The following TNFRSF21 variants were observed in gnomAD, a reference collection of about 807,000 sequenced individuals.
TNFRSF21 encodes the protein TNF receptor superfamily member 21.
TNFRSF21 carries 19 observed loss-of-function variants against 45.6 expected under a neutral mutation model. The ratio of observed to expected loss-of-function variants is 0.42; its 90% CI spans 0.29 to 0.61. TNFRSF21 has a LOEUF of 0.61. Ranked by LOEUF, TNFRSF21 falls within the 20% of genes least tolerant of loss-of-function variation. The pLI, the probability that TNFRSF21 is intolerant of heterozygous loss-of-function variation, is 0.23. For missense variants in TNFRSF21, 737 were observed against 851.5 expected, an observed-to-expected ratio of 0.87 and a Z score of 1.67; for synonymous variants, 314 against 335.5, an observed-to-expected ratio of 0.94 and a Z score of 0.70.
rs569687639 is a variant in TNFRSF21 at position 47,235,209 on chromosome 6, A to G, written c.1510-311T>C. 4.3e-3 allele frequency among the ~76,000 whole-genome samples: 651 copies of G among 152,304 alleles called. 2 individuals carry two copies. The highest frequency in any genetic ancestry group is 9.3e-3 in the Admixed American group (142 of 15,294). On this transcript the variant is annotated intron_variant, in intron 4 of 5. Coordinates refer to ENST00000296861, the MANE Select transcript of TNFRSF21 (RefSeq NM_014452.5). ...CCCGATTTAAAATATAATTTTGTAG[A>G]GCTGAAAGGAGTCTTAGATATAATT...
chr6:47,306,385 G>C (rs1310704590), intron 1 of TNFRSF21, among the ~76,000 whole-genome samples: 3 of 152,220 alleles, frequency 2.0e-5, no homozygotes, highest in Non-Finnish European at 4.4e-5. Context: ...GTGTGGCACA[G>C]GGCTAAGGGA....
At chr6:47,245,981 A>G (rs1439893202) in intron 4 of TNFRSF21, among the ~76,000 whole-genome samples, 1 of 152,164 alleles carries the variant, frequency 6.6e-6, no homozygotes. Context: ...TGAGAACTCT[A>G]TTGCAAGAAC....
In TNFRSF21 at chr6:47,232,739, T is replaced by C. The variant is rs772780394; in HGVS notation, c.*26A>G. Reference sequence around the variant, plus strand: ...ACCACCCTGCCACTAAATTGAGTAATTTCCAGAATGCAGTATCCCTATGTT... The same window carrying C: ...ACCACCCTGCCACTAAATTGAGTAACTTCCAGAATGCAGTATCCCTATGTT... On this transcript the variant is annotated 3_prime_UTR_variant, in exon 6 of 6. Transcript: ENST00000296861. 3 of 1,600,276 alleles carry C rather than the reference T, an allele frequency of 1.9e-6. No individual in the cohort carries two copies. Among genetic ancestry groups the C allele is most frequent in the Admixed American group, 1.7e-5 (1 of 58,548 alleles).
At chr6:47,291,861 T>C (rs1253958646) in intron 1 of TNFRSF21, among the ~76,000 whole-genome samples, 1 of 152,236 alleles carries the variant, frequency 6.6e-6, no homozygotes, top group African/African-American at 2.4e-5. Flanking sequence ...CTCCATGGCC[T>C]CTTTCGCCTG....
At chr6:47,242,900 A>G (rs922766986) in intron 4 of TNFRSF21, among the ~76,000 whole-genome samples, 3 of 152,202 alleles carry the variant, frequency 2.0e-5, no homozygotes, top group African/African-American at 7.2e-5. Flanking sequence ...CTAAACTTCT[A>G]TTGGAAAATC....
rs1764582495 is a variant in TNFRSF21 at position 47,231,608 on chromosome 6, C to A, written c.*1157G>T. The A allele has an allele frequency of 6.6e-6, 1 of 152,534 alleles. No homozygotes were observed. The allele number at this position is 152,534 out of a possible 1,614,324, so 9.4% of individuals were successfully genotyped here. A position where few individuals can be genotyped will look rare whatever the true frequency, so the allele number is the denominator to read the frequency against. On this transcript the variant is annotated 3_prime_UTR_variant, in exon 6 of 6. Transcript: ENST00000296861. ...CTGATATCGGTCCTTCACCACTACC[C>A]ACAAACCCCACCCACACAAAGGGAG...
intron 3 of TNFRSF21, among the ~76,000 whole-genome samples, chr6:47,272,287 T>C (rs917317739): frequency 4.6e-5 from 7 of 152,072 alleles, no homozygotes; most frequent in African/African-American, 1.7e-4. Context: ...TCAGCAAATA[T>C]AAAAGAACAG....
intron 3 of TNFRSF21, among the ~76,000 whole-genome samples, chr6:47,279,728 T>C (rs1762541452): frequency 6.6e-6 from 1 of 152,200 alleles, no homozygotes; most frequent in South Asian, 2.1e-4. Context: ...ATTAACAATA[T>C]TCTTATCTGG....
At chr6:47,259,909 G>C (rs1243746387) in intron 3 of TNFRSF21, among the ~76,000 whole-genome samples, 1 of 152,202 alleles carries the variant, frequency 6.6e-6, no homozygotes, top group African/African-American at 2.4e-5. Flanking sequence ...TTTGTGACTT[G>C]TTAGTTGCAT....
At chr6:47,234,626 G>C (rs758013460) in intron 5 of TNFRSF21, 44 bp downstream of exon 5, 8 of 1,486,358 alleles carry the variant, frequency 5.4e-6, no homozygotes, top group Middle Eastern at 2.2e-4. Context: ...GGGGCTCTTT[G>C]GGGGGTTTAA....
intron 3 of TNFRSF21, among the ~76,000 whole-genome samples, chr6:47,282,253 T>C (rs1762578008): frequency 6.6e-6 from 1 of 151,812 alleles, no homozygotes; most frequent in Non-Finnish European, 1.5e-5. Flanking sequence ...GGCATGGTGG[T>C]ACATGCCTGT....
At chr6:47,269,264 C>A (rs756243953) in intron 3 of TNFRSF21, among the ~76,000 whole-genome samples, 59 of 152,012 alleles carry the variant, frequency 3.9e-4, no homozygotes, top group Non-Finnish European at 7.8e-4. Flanking sequence ...CACATACACA[C>A]ATTGCCCATG....
At chr6:47,245,664 T>C (rs1764814811) in intron 4 of TNFRSF21, among the ~76,000 whole-genome samples, 1 of 152,116 alleles carries the variant, frequency 6.6e-6, no homozygotes, top group African/African-American at 2.4e-5. Context: ...CAGTATTTTC[T>C]TTCTCAGTAA....
At chr6:47,277,804 T>G (rs1389498607) in intron 3 of TNFRSF21, among the ~76,000 whole-genome samples, 2 of 152,086 alleles carry the variant, frequency 1.3e-5, no homozygotes, top group Non-Finnish European at 2.9e-5. Context: ...AGAACCCAGG[T>G]TTATGAATTT....
At chr6:47,270,779 G>A (rs1223272711) in intron 3 of TNFRSF21, among the ~76,000 whole-genome samples, 2 of 152,142 alleles carry the variant, frequency 1.3e-5, no homozygotes, top group South Asian at 4.1e-4. Flanking sequence ...AAAAAAGTTA[G>A]ACTAATGGCT....
chr6:47,264,392 G>A (rs1561943487), intron 3 of TNFRSF21, among the ~76,000 whole-genome samples: 1 of 152,174 alleles, frequency 6.6e-6, no homozygotes, highest in Non-Finnish European at 1.5e-5. Context: ...GCCAGGCATG[G>A]TGGTCCCAGC....
intron 3 of TNFRSF21, among the ~76,000 whole-genome samples, chr6:47,270,071 ATAACT>A (rs1392063011): frequency 6.6e-6 from 1 of 152,218 alleles, no homozygotes; most frequent in Non-Finnish European, 1.5e-5. Context: ...TGGTAAACAC[ATAACT>A]TAAGAAAGTT....
At chr6:47,273,410 AAAC>A (rs1449311044) in intron 3 of TNFRSF21, among the ~76,000 whole-genome samples, 1 of 152,110 alleles carries the variant, frequency 6.6e-6, no homozygotes, top group Non-Finnish European at 1.5e-5. Context: ...CCAACGACAA[AAAC>A]AACATTATCT....
chr6:47,250,090 C>G (rs1440606834), intron 4 of TNFRSF21, among the ~76,000 whole-genome samples: 3 of 151,960 alleles, frequency 2.0e-5, no homozygotes. Context: ...CTGAAATTCT[C>G]TAATTATCAA....
Sources: allele counts gnomAD v4.1 joint callset (sites outside exome capture counted in the v4.1 genomes callset), GRCh38; gene constraint gnomAD v4.1.1; transcripts MANE v1.5; gene names NCBI Gene and HGNC (gene_info 2026-07-23, HGNC 2026-07-21).